TLN2: variants seen among roughly 807,000 people sequenced by gnomAD.
The protein encoded by TLN2 is talin-2.
Under a neutral mutation model 294.7 loss-of-function variants are expected in TLN2, and 118 were observed. The ratio of observed to expected loss-of-function variants is 0.40; its 90% CI spans 0.34 to 0.47. The LOEUF (loss-of-function observed/expected upper bound fraction) is 0.47, where lower values mean the gene tolerates loss of function less well. Ranked by LOEUF, TLN2 falls within the 20% of genes least tolerant of loss-of-function variation. The probability of loss-of-function intolerance (pLI) is 0.84; values close to 1 mark genes in which losing one functional copy is unlikely to be tolerated. For synonymous variants in TLN2, 1,431 were observed against 1,304.5 expected (o/e 1.10, Z -2.09); for missense variants, 3,083 against 3,282.2 (o/e 0.94, Z 1.48).
intron 1 of TLN2, among the ~76,000 whole-genome samples, chr15:62,426,390 C>T (rs369299429): frequency 6.6e-6 from 1 of 152,222 alleles, no homozygotes; most frequent in East Asian, 1.9e-4. Flanking sequence ...CCTGGGGCTG[C>T]GCCTCTAGTC....
chr15:62,400,201 C>G (rs2032919559), intron 1 of TLN2, among the ~76,000 whole-genome samples: 1 of 152,140 alleles, frequency 6.6e-6, no homozygotes, highest in Non-Finnish European at 1.5e-5. Context: ...TGTTTGCTTC[C>G]CCTTCTGCCA....
intron 1 of TLN2, among the ~76,000 whole-genome samples, chr15:62,418,227 C>G (rs1286695072): frequency 6.6e-6 from 1 of 152,156 alleles, no homozygotes; most frequent in Non-Finnish European, 1.5e-5. Context: ...CTGCCTCCCC[C>G]GCTTTCTCTT....
At chr15:62,825,980 C>T (rs1046943431) in intron 54 of TLN2, among the ~76,000 whole-genome samples, 3 of 145,188 alleles carry the variant, frequency 2.1e-5, no homozygotes, top group South Asian at 2.2e-4. Flanking sequence ...GAGCCGGGAT[C>T]GTGCCACTGC....
chr15:62,545,388 A>G (rs142849360), intron 1 of TLN2, among the ~76,000 whole-genome samples: 161 of 152,340 alleles, frequency 1.1e-3, no homozygotes, highest in African/African-American at 3.7e-3. Flanking sequence ...AAGAGGAAAG[A>G]GGGAAAGAGA....
At position 62,762,296 on chromosome 15, in the gene TLN2, C is replaced by T. The variant is rs756323778; in HGVS notation, c.4804C>T (p.Leu1602=). ...SEGSQAQEPI[L]VSAKTMLESS... is the part of the protein sequence containing the mutation. ...GGGTTCCCAGGCACAGGAACCAATC[C>T]TGGTCTCAGCCAAGACCATGCTGGA... Residue 1602 remains leucine, a synonymous_variant, in exon 39 of 59, where the codon CTG becomes TTG. Transcript: ENST00000636159. 33 of 1,614,062 alleles carry T rather than the reference C, an allele frequency of 2.0e-5. No homozygotes were observed. Among genetic ancestry groups the T allele is most frequent in the South Asian group, 1.5e-4 (14 of 91,084 alleles).
Position 62,415,034 on chromosome 15 carries a change from G to A in TLN2, c.-238+24349G>A, listed in dbSNP as rs1181922729. Reference sequence around the variant, plus strand: ...TCAAGCAATTCTGCCTCAGCCCCCCGAGTAGCTGGGATTACAGGCGTGCAC... The same window carrying A: ...TCAAGCAATTCTGCCTCAGCCCCCCAAGTAGCTGGGATTACAGGCGTGCAC... On this transcript the variant is annotated intron_variant, in intron 1 of 58. Coordinates refer to ENST00000636159, the MANE Select transcript of TLN2 (RefSeq NM_015059.3). 2.8e-5 allele frequency among the ~76,000 whole-genome samples: 4 copies of A among 140,640 alleles called. 2 individuals carry two copies. Among genetic ancestry groups the A allele is most frequent in the Non-Finnish European group, 6.1e-5 (4 of 65,816 alleles). 92.3% of individuals were successfully genotyped at this position (140,640 alleles called of 152,430 possible). A position where few individuals can be genotyped will look rare whatever the true frequency, so the allele number is the denominator to read the frequency against.
chr15:62,461,817 C>T (rs890946229), intron 1 of TLN2, among the ~76,000 whole-genome samples: 1 of 152,180 alleles, frequency 6.6e-6, no homozygotes, highest in African/African-American at 2.4e-5. Flanking sequence ...GCTGGTGGCT[C>T]AAGAGTGGCC....
intron 1 of TLN2, among the ~76,000 whole-genome samples, chr15:62,407,000 G>A (rs553033000): frequency 6.6e-6 from 1 of 152,238 alleles, no homozygotes; most frequent in South Asian, 2.1e-4. Flanking sequence ...AACACAAATT[G>A]TCAGACTGCC....
chr15:62,558,325 A>G (rs955256194), intron 1 of TLN2, among the ~76,000 whole-genome samples: 1 of 152,188 alleles, frequency 6.6e-6, no homozygotes, highest in African/African-American at 2.4e-5. Context: ...AGTTGTGTGC[A>G]TGTCTTATTT....
At chr15:62,686,848 T>C in intron 12 of TLN2, 52 bp downstream of exon 12, 6 of 1,599,376 alleles carry the variant, frequency 3.8e-6, no homozygotes, top group Non-Finnish European at 5.1e-6. Context: ...TGAGTGATAT[T>C]GTGGGGACAG....
chr15:62,839,906 C>T (rs1241117982), intron 58 of TLN2, among the ~76,000 whole-genome samples: 1 of 152,240 alleles, frequency 6.6e-6, no homozygotes, highest in Non-Finnish European at 1.5e-5. Flanking sequence ...TCTGGAAAGC[C>T]AGGAAAGGAA....
intron 1 of TLN2, among the ~76,000 whole-genome samples, chr15:62,520,747 T>A (rs960112427): frequency 2.0e-5 from 3 of 152,224 alleles, no homozygotes; most frequent in Non-Finnish European, 4.4e-5. Context: ...AATAGTTGTT[T>A]ATTTTTTTAA....
At chr15:62,396,313 C>T (rs1333405676) in intron 1 of TLN2, among the ~76,000 whole-genome samples, 1 of 152,112 alleles carries the variant, frequency 6.6e-6, no homozygotes, top group Non-Finnish European at 1.5e-5. Context: ...TATATGAAAA[C>T]AAGTTAAAAA....
intron 1 of TLN2, among the ~76,000 whole-genome samples, chr15:62,580,982 C>T (rs2044939920): frequency 6.6e-6 from 1 of 151,754 alleles, no homozygotes; most frequent in Non-Finnish European, 1.5e-5. Flanking sequence ...CTCCCAGGTC[C>T]AAGTGATTCT....
At chr15:62,557,519 T>C (rs1161022802) in intron 1 of TLN2, among the ~76,000 whole-genome samples, 1 of 152,192 alleles carries the variant, frequency 6.6e-6, no homozygotes, top group Non-Finnish European at 1.5e-5. Context: ...AGGCTTAGAA[T>C]GTAACCTCAA....
At chr15:62,776,227 G>T (rs1392999838) in intron 42 of TLN2, among the ~76,000 whole-genome samples, 2 of 152,076 alleles carry the variant, frequency 1.3e-5, no homozygotes, top group South Asian at 4.1e-4. Flanking sequence ...TACCGGCAGG[G>T]CTCCATGCAT....
intron 31 of TLN2, among the ~76,000 whole-genome samples, chr15:62,739,886 T>G (rs1304821412): frequency 1.3e-5 from 2 of 152,104 alleles, no homozygotes; most frequent in Admixed American, 1.3e-4. Flanking sequence ...ACAATAAAAA[T>G]ATATATGTAT....
intron 30 of TLN2, among the ~76,000 whole-genome samples, chr15:62,738,686 A>C (rs530085685): frequency 4.6e-5 from 7 of 152,268 alleles, no homozygotes; most frequent in Admixed American, 1.3e-4. Context: ...GAGAGCGAGT[A>C]GTCTGAGGAA....
chr15:62,841,488 C>G lies in TLN2; in HGVS notation c.*878C>G, dbSNP rs1320045736. The G allele has an allele frequency of 6.6e-6, 1 of 152,186 alleles. No homozygotes were observed. 9.4% of individuals were successfully genotyped at this position (152,186 alleles called of 1,614,324 possible). Reference sequence around the variant, plus strand: ...ATAAAGAGCTTCCTCAGTGACTCATCTTTAGGTCCCACGCTGGTTTCTGTG... The same window carrying G: ...ATAAAGAGCTTCCTCAGTGACTCATGTTTAGGTCCCACGCTGGTTTCTGTG... On this transcript the variant is annotated 3_prime_UTR_variant, in exon 59 of 59. Transcript: ENST00000636159.
Sources: gnomAD v4.1 joint callset for allele counts (sites outside exome capture counted in the v4.1 genomes callset) on GRCh38, gnomAD v4.1.1 for gene constraint, MANE v1.5 for transcripts, NCBI Gene and HGNC (gene_info 2026-07-23, HGNC 2026-07-21) for gene names.